PLP1: variants seen among roughly 807,000 people sequenced by gnomAD.
PLP1 encodes the protein proteolipid protein 1.
A neutral mutation model predicts 18.5 loss-of-function variants in PLP1; 2 were observed. The ratio of observed to expected loss-of-function variants is 0.11; its 90% CI spans 0.04 to 0.34. The LOEUF (loss-of-function observed/expected upper bound fraction) is 0.34. Ranked by LOEUF, PLP1 falls within the 10% of genes least tolerant of loss-of-function variation. The pLI, the probability that PLP1 is intolerant of heterozygous loss-of-function variation, is 1.00. For missense variants in PLP1, 105 were observed against 207.3 expected, an observed-to-expected ratio of 0.51 and a Z score of 3.03; for synonymous variants, 86 against 83.2, an observed-to-expected ratio of 1.03 and a Z score of -0.19.
At position 103,786,256 on chromosome X, in the gene PLP1, G is replaced by T. The variant is rs377277524; in HGVS notation, c.192-209G>T. The T allele has an allele frequency of 2.3e-4, 264 of 1,128,252 alleles. 2 individuals are homozygous for T. In the East Asian group the frequency reaches 8.0e-3, roughly 34 times the overall value. The allele number at this position is 1,128,252 out of a possible 1,213,427, so 93.0% of individuals were successfully genotyped here. A position where few individuals can be genotyped will look rare whatever the true frequency, so the allele number is the denominator to read the frequency against. On this transcript the variant is annotated intron_variant, in intron 2 of 6. Coordinates refer to ENST00000621218, the MANE Select transcript of PLP1 (RefSeq NM_000533.5). ...GGGTAAGCAAGGTGTGGCGGGAGGG[G>T]CATATGTTTCTGGTCACATACACCC...
chrX:103,786,377 C>G (rs1050165015), intron 2 of PLP1, 88 bp from the exon 3 acceptor site: 2 of 1,068,923 alleles, frequency 1.9e-6, no homozygotes, highest in South Asian at 1.9e-5. Flanking sequence ...GGTGCTCGCT[C>G]TGGTGTATAC....
At chrX:103,778,381 A>G (rs922311542) in intron 1 of PLP1, among the ~76,000 whole-genome samples, 1 of 112,071 alleles carries the variant, frequency 8.9e-6, no homozygotes, top group Non-Finnish European at 1.9e-5. Flanking sequence ...GGTCAGAATC[A>G]TTTGACCAAT....
intron 4 of PLP1, 109 bp from the exon 5 acceptor site, chrX:103,788,328 C>A: frequency 1.6e-6 from 1 of 632,182 alleles, no homozygotes; most frequent in Non-Finnish European, 2.7e-6. Flanking sequence ...TAGAATCCAA[C>A]TTTACAGCCA....
Position 103,790,696 on chromosome X carries a change from C to T in PLP1, c.*98C>T, listed in dbSNP as rs2074538122. On this transcript the variant is annotated 3_prime_UTR_variant, in exon 7 of 7. Transcript: ENST00000621218. ...CTTAACTCTTTGCCTTTGCCACCAACTGGCCCTCTTCTTACTTGATGAGTG... is the reference window on the plus strand; with the variant it reads ...CTTAACTCTTTGCCTTTGCCACCAATTGGCCCTCTTCTTACTTGATGAGTG... 3.1e-6 allele frequency: 2 copies of T among 639,639 alleles called. No homozygotes were observed. Among genetic ancestry groups the T allele is most frequent in the South Asian group, 2.2e-5 (1 of 45,772 alleles). The allele number at this position is 639,639 out of a possible 1,213,427, so 52.7% of individuals were successfully genotyped here.
Position 103,786,524 on chromosome X carries a change from C to T in PLP1, c.251C>T (p.Ala84Val), listed in dbSNP as rs2074498165. 3 of 1,207,821 alleles carry T rather than the reference C, an allele frequency of 2.5e-6. No individual in the cohort carries two copies. Among genetic ancestry groups the T allele is most frequent in the Admixed American group, 2.2e-5 (1 of 45,666 alleles). Residue 84 changes from alanine (A) to valine (V), a missense_variant, in exon 3 of 7, where the codon GCC becomes GTC. By Grantham distance (64) the Ala-to-Val change is moderately conservative. Transcript: ENST00000621218. ...GTASFFFLYG[A>V]LLLAEGFYTT... ...GCCTCTTTCTTCTTCCTTTATGGGGCCCTCCTGCTGGCTGAGGGCTTCTAC... is the reference window on the plus strand; with the variant it reads ...GCCTCTTTCTTCTTCCTTTATGGGGTCCTCCTGCTGGCTGAGGGCTTCTAC...
chrX:103,791,023 G>A lies in PLP1; in HGVS notation c.*425G>A, dbSNP rs1452469252. The A allele has an allele frequency of 3.4e-5, 6 of 174,273 alleles. No individual in the cohort carries two copies. The highest frequency in any genetic ancestry group is 6.4e-5 in the Non-Finnish European group (6 of 93,258). 14.4% of individuals were successfully genotyped at this position (174,273 alleles called of 1,213,427 possible). On this transcript the variant is annotated 3_prime_UTR_variant, in exon 7 of 7. Coordinates refer to ENST00000621218, the MANE Select transcript of PLP1 (RefSeq NM_000533.5). ...CTTTGGTCCTCTTGCCATCTATAGG[G>A]GCCAAATATATTCTCTTTGGTGTAC... is the stretch of plus-strand genomic sequence containing the variant.
intron 1 of PLP1, among the ~76,000 whole-genome samples, chrX:103,783,657 G>A (rs1413393287): frequency 8.9e-6 from 1 of 111,788 alleles, no homozygotes; most frequent in Non-Finnish European, 1.9e-5. Context: ...TAAATCACTA[G>A]GTATTCATGC....
At chrX:103,784,184 T>C (rs746810599) in intron 1 of PLP1, among the ~76,000 whole-genome samples, 3 of 111,635 alleles carry the variant, frequency 2.7e-5, no homozygotes, top group Non-Finnish European at 5.6e-5. Flanking sequence ...GTGCCTCTCC[T>C]GTTTCTCAGC....
chrX:103,786,976 G>T (rs2074502916), intron 3 of PLP1: 1 of 418,799 alleles, frequency 2.4e-6, no homozygotes, highest in Admixed American at 4.1e-5. Flanking sequence ...GGGATGCTTT[G>T]TACAATCAGA....
At chrX:103,789,015 G>A (rs2074522508) in intron 5 of PLP1, 1 of 355,420 alleles carries the variant, frequency 2.8e-6, no homozygotes, top group Non-Finnish European at 5.0e-6. Context: ...GAGACAGGCA[G>A]TAAATTATTT....
Position 103,787,104 on chromosome X carries a change from G to C in PLP1, c.453+378G>C, listed in dbSNP as rs1602383435. 3 of 219,974 alleles carry C rather than the reference G, an allele frequency of 1.4e-5. No homozygotes were observed. In the East Asian group the frequency reaches 2.9e-4, roughly 22 times the overall value. The allele number at this position is 219,974 out of a possible 1,213,427, so 18.1% of individuals were successfully genotyped here. On this transcript the variant is annotated intron_variant, in intron 3 of 6. Transcript: ENST00000621218. Reference sequence around the variant, plus strand: ...TCATGTGATTGAGACTTGGGCACCTGATCTGAGAGGGAGGATGGATAATAA... The same window carrying C: ...TCATGTGATTGAGACTTGGGCACCTCATCTGAGAGGGAGGATGGATAATAA...
chrX:103,788,615 T>C lies in PLP1; in HGVS notation c.696+105T>C. On this transcript the variant is annotated intron_variant, in intron 5 of 6. Transcript: ENST00000621218. ...ACTGAAAGTTTCCCTTTGCTGGATT[T>C]TGAATTAGCCGATTGCCTTCTACAA... is the stretch of plus-strand genomic sequence containing the variant. 4 of 685,543 alleles carry C rather than the reference T, an allele frequency of 5.8e-6. No individual in the cohort carries two copies. In the Middle Eastern group the frequency reaches 1.2e-3, roughly 213 times the overall value. The allele number at this position is 685,543 out of a possible 1,213,427, so 56.5% of individuals were successfully genotyped here.
intron 2 of PLP1, chrX:103,786,256 G>C: frequency 1.8e-6 from 2 of 1,130,494 alleles, no homozygotes; most frequent in East Asian, 3.3e-5. Context: ...GGCGGGAGGG[G>C]CATATGTTTC....
intron 1 of PLP1, among the ~76,000 whole-genome samples, chrX:103,785,236 C>A (rs1303334288): frequency 9.0e-6 from 1 of 110,894 alleles, no homozygotes; most frequent in Non-Finnish European, 1.9e-5. Flanking sequence ...ACGCCCATGC[C>A]CGGCTAATTT....
At chrX:103,778,077 G>A (rs1363216059) in intron 1 of PLP1, among the ~76,000 whole-genome samples, 3 of 111,821 alleles carry the variant, frequency 2.7e-5, no homozygotes, top group South Asian at 3.8e-4. Flanking sequence ...GGAGAGCACT[G>A]GACAGGGAGT....
upstream of PLP1, chrX:103,776,637 C>A: frequency 4.2e-6 from 1 of 236,047 alleles, no homozygotes. Flanking sequence ...TGCAGCAAAG[C>A]GAAATTCCAG....
intron 1 of PLP1, among the ~76,000 whole-genome samples, chrX:103,777,573 T>A: frequency 9.0e-6 from 1 of 111,685 alleles, no homozygotes; most frequent in Admixed American, 9.5e-5. Context: ...GGTAGGAGTG[T>A]GTGTGTGTAT....
At chrX:103,786,330 C>T (rs900633358) in intron 2 of PLP1, 135 bp from the exon 3 acceptor site, 1 of 1,015,949 alleles carries the variant, frequency 9.8e-7, no homozygotes, top group African/African-American at 1.9e-5. Flanking sequence ...GCAGGAGGAA[C>T]CTGGTGATTC....
Position 103,786,660 on chromosome X carries a change from A to T in PLP1, c.387A>T (p.Gln129His), listed in dbSNP as rs2074499797. 1 of 1,209,409 alleles carries T rather than the reference A, an allele frequency of 8.3e-7. No homozygotes were observed. The highest frequency in any genetic ancestry group is 2.2e-5 in the Admixed American group (1 of 45,749). Reference sequence around the variant, plus strand: ...AGAAGGGGAGGGGTTCCAGAGGCCAACATCAAGCTCATTCTTTGGAGCGGG... The same window carrying T: ...AGAAGGGGAGGGGTTCCAGAGGCCATCATCAAGCTCATTCTTTGGAGCGGG... ...GGQKGRGSRG[Q>H]HQAHSLERVC... Residue 129 changes from glutamine (Q) to histidine (H), a missense_variant, in exon 3 of 7, where the codon CAA becomes CAT. Gln to His is a conservative substitution (Grantham distance 24, BLOSUM62 0). Transcript: ENST00000621218.
Sources: gnomAD v4.1 joint callset for allele counts (sites outside exome capture counted in the v4.1 genomes callset) on GRCh38, gnomAD v4.1.1 for gene constraint, MANE v1.5 for transcripts, NCBI Gene and HGNC (gene_info 2026-07-23, HGNC 2026-07-21) for gene names.